Variants in MRTFA observed in about 807,000 individuals in gnomAD.
MRTFA encodes the protein myocardin-related transcription factor A.
In MRTFA, 20 loss-of-function variants were observed where a neutral mutation model predicts 83.5. The observed-to-expected ratio is 0.24, with a 90% confidence interval of 0.17 to 0.35. The LOEUF (loss-of-function observed/expected upper bound fraction) is 0.35, where lower values mean the gene tolerates loss of function less well. MRTFA is among the 10% of genes least tolerant of loss of function. MRTFA has a pLI of 1.00. For missense variants in MRTFA, 1,200 were observed against 1,224.7 expected, an observed-to-expected ratio of 0.98 and a Z score of 0.30; for synonymous variants, 659 against 541.2, an observed-to-expected ratio of 1.22 and a Z score of -3.02.
Position 40,452,805 on chromosome 22 carries a change from CA to C in MRTFA, c.307+10415del, listed in dbSNP as rs34486531. On this transcript the variant is annotated intron_variant, in intron 4 of 14. Coordinates refer to ENST00000355630, the MANE Select transcript of MRTFA (RefSeq NM_020831.6). ...TGGGCAACAGAGCAACACTCCGTCT[CA>C]AAAAAAAAAAAAAAAAAAAATGATG... 8.8e-3 allele frequency among the ~76,000 whole-genome samples: 550 copies of C among 62,658 alleles called. 3 individuals carry two copies. Among genetic ancestry groups the C allele is most frequent in the African/African-American group, 0.023 (373 of 15,982 alleles). 41.1% of individuals were successfully genotyped at this position (62,658 alleles called of 152,430 possible). A position where few individuals can be genotyped will look rare whatever the true frequency, so the allele number is the denominator to read the frequency against.
intron 3 of MRTFA, 50 bp downstream of exon 3, chr22:40,552,056 T>C (rs953261887): frequency 2.5e-6 from 1 of 397,454 alleles, no homozygotes; most frequent in Admixed American, 4.4e-5. Flanking sequence ...ATTATAAACA[T>C]GAAGATCCTG....
chr22:40,575,421 ATAT>A (rs1349280419), intron 2 of MRTFA, among the ~76,000 whole-genome samples: 2 of 152,222 alleles, frequency 1.3e-5, no homozygotes, highest in South Asian at 2.1e-4. Context: ...TCTCAGAAAA[ATAT>A]TATACTCAGA....
intron 2 of MRTFA, chr22:40,569,307 C>G (rs554592534): frequency 4.7e-6 from 1 of 211,838 alleles, no homozygotes; most frequent in Non-Finnish European, 1.0e-5. Flanking sequence ...GACATCAAGA[C>G]CAAAATCAAG....
At position 40,424,377 on chromosome 22, in the gene MRTFA, G is replaced by A. The variant is rs1195720866; in HGVS notation, c.606C>T (p.Gly202=). ...CTGCTACTTTGGGATAGTTCACCTG[G>A]CCCACTGAAACCCAAAGCTGGTGTG... is the stretch of plus-strand genomic sequence containing the variant. The change falls in exon 8 of 15, where the codon GGC becomes GGT. Residue 202 remains glycine (G), a synonymous_variant. Coordinates refer to ENST00000355630, the MANE Select transcript of MRTFA (RefSeq NM_020831.6). 9 of 1,612,808 alleles carry A rather than the reference G, an allele frequency of 5.6e-6. No individual in the cohort carries two copies. The highest frequency in any genetic ancestry group is 7.6e-6 in the Non-Finnish European group (9 of 1,179,478).
chr22:40,543,008 CAT>C (rs1308060786), intron 3 of MRTFA, among the ~76,000 whole-genome samples: 19 of 152,266 alleles, frequency 1.2e-4, no homozygotes, highest in African/African-American at 3.1e-4. Flanking sequence ...CCTAGCATAA[CAT>C]GTGATGAATA....
rs535541791 is a variant in MRTFA, at chr22:40,586,711, G to C, written c.-22+7963C>G. On this transcript the variant is annotated intron_variant, in intron 2 of 14. Coordinates refer to ENST00000355630, the MANE Select transcript of MRTFA (RefSeq NM_020831.6). ...ATAAACCAACAAGCTCATGCAGCAGGCTTCGTTTCCTCTGTGGTAGGTTTT... is the reference window on the plus strand; with the variant it reads ...ATAAACCAACAAGCTCATGCAGCAGCCTTCGTTTCCTCTGTGGTAGGTTTT... The C allele has an allele frequency of 4.1e-5, 11 of 267,606 alleles. No individual in the cohort carries two copies. In the East Asian group the frequency reaches 1.4e-3, roughly 33 times the overall value. 16.6% of individuals were successfully genotyped at this position (267,606 alleles called of 1,614,324 possible).
intron 2 of MRTFA, among the ~76,000 whole-genome samples, chr22:40,567,322 G>T (rs774318046): frequency 6.6e-6 from 1 of 152,066 alleles, no homozygotes; most frequent in Non-Finnish European, 1.5e-5. Flanking sequence ...TTTTTCTATG[G>T]TGTTCAAATG....
Position 40,419,235 on chromosome 22 carries a change from G to A in MRTFA, c.1503C>T (p.His501=), listed in dbSNP as rs1387462017. 3.1e-6 allele frequency: 5 copies of A among 1,609,976 alleles called. No homozygotes were observed. Among genetic ancestry groups the A allele is most frequent in the Non-Finnish European group, 4.2e-6 (5 of 1,178,294 alleles). Residue 501 remains histidine, a synonymous_variant, in exon 12 of 15, where the codon CAC becomes CAT. Coordinates refer to ENST00000355630, the MANE Select transcript of MRTFA (RefSeq NM_020831.6). ...AGGCTACCACCACCTCGCCAGCCTTGTGCAGGATAGAGGTGGCGGCAGGGG... is the reference window on the plus strand; with the variant it reads ...AGGCTACCACCACCTCGCCAGCCTTATGCAGGATAGAGGTGGCGGCAGGGG...
At chr22:40,457,011 T>A (rs1462287001) in intron 4 of MRTFA, among the ~76,000 whole-genome samples, 5 of 152,192 alleles carry the variant, frequency 3.3e-5, no homozygotes, top group Non-Finnish European at 7.3e-5. Flanking sequence ...CTAGGTTGCA[T>A]ATTTGGTGAA....
chr22:40,420,532 C>G lies in MRTFA; in HGVS notation c.1226G>C (p.Arg409Pro). The G allele has an allele frequency of 6.2e-7, 1 of 1,613,698 alleles. No homozygotes were observed. Among genetic ancestry groups the G allele is most frequent in the Non-Finnish European group, 8.5e-7 (1 of 1,180,010 alleles). Residue 409 changes from arginine (R) to proline (P), a missense_variant, in exon 11 of 15, where the codon CGC becomes CCC. Arg to Pro is a moderately radical substitution (Grantham distance 103). This residue lies in a region of MRTFA where 1,107 missense variants were observed against 1,041.8 expected (regional missense o/e 1.06). Coordinates refer to ENST00000355630, the MANE Select transcript of MRTFA (RefSeq NM_020831.6). ...GCTGCTATTGGTAGTGGAGAGGCTG[C>G]GTACTGGGGGGGTCCCGCTGCTTCC...
At chr22:40,581,616 T>G (rs548102587) in intron 2 of MRTFA, among the ~76,000 whole-genome samples, 2 of 152,316 alleles carry the variant, frequency 1.3e-5, no homozygotes, top group East Asian at 3.9e-4. Flanking sequence ...CTGTAATATT[T>G]TTAGTTCTAG....
At chr22:40,497,621 T>C (rs1292547446) in intron 3 of MRTFA, among the ~76,000 whole-genome samples, 3 of 152,052 alleles carry the variant, frequency 2.0e-5, no homozygotes, top group Non-Finnish European at 4.4e-5. Context: ...GGCTTGATAG[T>C]GCACGCCTAT....
intron 1 of MRTFA, among the ~76,000 whole-genome samples, chr22:40,600,179 C>A (rs1374379126): frequency 2.0e-5 from 3 of 152,082 alleles, no homozygotes; most frequent in Admixed American, 2.0e-4. Context: ...CCTGATTCCT[C>A]TGTTTGCTCT....
chr22:40,484,617 C>T (rs946806322), intron 3 of MRTFA, among the ~76,000 whole-genome samples: 1 of 152,130 alleles, frequency 6.6e-6, no homozygotes, highest in African/African-American at 2.4e-5. Context: ...AGGTTTTGCA[C>T]AAAATTTTAC....
chr22:40,532,718 T>C (rs1602394200), intron 3 of MRTFA, among the ~76,000 whole-genome samples: 1 of 152,200 alleles, frequency 6.6e-6, no homozygotes, highest in Non-Finnish European at 1.5e-5. Flanking sequence ...AGGAAAACAG[T>C]GAGACCAATT....
chr22:40,413,795 T>C (rs760564491), intron 14 of MRTFA, among the ~76,000 whole-genome samples: 3 of 152,194 alleles, frequency 2.0e-5, no homozygotes, highest in Non-Finnish European at 2.9e-5. Flanking sequence ...GACTTGGCCA[T>C]TCTCCAATAG....
chr22:40,628,241 G>C (rs1307391048), intron 1 of MRTFA, among the ~76,000 whole-genome samples: 1 of 152,166 alleles, frequency 6.6e-6, no homozygotes. Flanking sequence ...GAAGGTTAAG[G>C]AGTAAGCCTA....
intron 8 of MRTFA, 77 bp downstream of exon 8, chr22:40,424,129 T>A (rs981378111): frequency 4.6e-5 from 65 of 1,423,976 alleles, no homozygotes; most frequent in Admixed American, 1.9e-4. Flanking sequence ...AGGCATCCCG[T>A]GGCCCAGGAG....
In MRTFA at chr22:40,411,322, G is replaced by T; in HGVS notation, c.*68C>A. On this transcript the variant is annotated 3_prime_UTR_variant, in exon 15 of 15. Coordinates refer to ENST00000355630, the MANE Select transcript of MRTFA (RefSeq NM_020831.6). ...CAACCATGTGGAGAGGCCGAATCAC[G>T]CAGGAGAGCCACGCATTGGAGTACC... 3.4e-6 allele frequency: 5 copies of T among 1,472,294 alleles called. No homozygotes were observed. In the South Asian group the frequency reaches 6.7e-5, roughly 20 times the overall value. 91.2% of individuals were successfully genotyped at this position (1,472,294 alleles called of 1,614,324 possible). A position where few individuals can be genotyped will look rare whatever the true frequency, so the allele number is the denominator to read the frequency against.
Sources: allele counts gnomAD v4.1 joint callset (sites outside exome capture counted in the v4.1 genomes callset), GRCh38; gene constraint gnomAD v4.1.1; regional missense constraint gnomAD v4.1.1; transcripts MANE v1.5; gene names NCBI Gene and HGNC (gene_info 2026-07-23, HGNC 2026-07-21).